The following ATRNL1 variants were observed in gnomAD, a reference collection of about 807,000 sequenced individuals.
The protein encoded by ATRNL1 is attractin like 1.
A neutral mutation model predicts 182.7 loss-of-function variants in ATRNL1; 95 were observed. The ratio of observed to expected loss-of-function variants is 0.52; its 90% CI spans 0.44 to 0.62. The LOEUF is 0.62. ATRNL1 is among the 20% of genes least tolerant of loss of function. ATRNL1 has a pLI of 0.00. For missense variants in ATRNL1, 1,471 were observed against 1,679.5 expected (o/e 0.88, Z 2.17); for synonymous variants, 576 against 568.3 (o/e 1.01, Z -0.19).
chr10:115,093,778 G>T lies in ATRNL1; in HGVS notation c.28G>T (p.Gly10Cys), dbSNP rs1489528782. Residue 10 changes from glycine to cysteine, a missense_variant, in exon 1 of 29, where the codon GGT becomes TGT. This residue lies in a region of ATRNL1 where 1,031 missense variants were observed against 1,156.0 expected (regional missense o/e 0.89). Transcript: ENST00000355044. The surrounding 1 kb of genome is among the most constrained non-coding windows in gnomAD (Gnocchi z 6.1). METGGRART[G>C]TPQPAAPGVW... The stretch of plus-strand genomic sequence containing the variant: ...GGAGACTGGGGGCCGGGCCCGCACT[G>T]GTACCCCGCAGCCAGCGGCCCCGGG... The T allele has an allele frequency of 6.7e-5, 96 of 1,424,418 alleles. No individual in the cohort carries two copies. Among genetic ancestry groups the T allele is most frequent in the Non-Finnish European group, 8.5e-5 (93 of 1,096,244 alleles). The allele number at this position is 1,424,418 out of a possible 1,614,324, so 88.2% of individuals were successfully genotyped here.
chr10:115,210,461 C>A (rs1369598612), intron 8 of ATRNL1, among the ~76,000 whole-genome samples: 2 of 151,788 alleles, frequency 1.3e-5, no homozygotes, highest in Admixed American at 6.6e-5. Flanking sequence ...TCTCATTGCC[C>A]CTTTAACCAC....
intron 28 of ATRNL1, among the ~76,000 whole-genome samples, chr10:115,916,056 T>G (rs1255568907): frequency 6.6e-6 from 1 of 152,240 alleles, no homozygotes; most frequent in East Asian, 1.9e-4. Context: ...CAAAGCATCA[T>G]TTAAAGTATA....
Position 115,534,658 on chromosome 10 carries a change from G to T in ATRNL1, c.3717-14800G>T, listed in dbSNP as rs978478066. On this transcript the variant is annotated intron_variant, in intron 25 of 28. Coordinates refer to ENST00000355044, the MANE Select transcript of ATRNL1 (RefSeq NM_207303.4). ...ATTTGATCCTGTCATTATGGTGTTA[G>T]CTGGTTATTTTGCTGGTTAGTTGAT... Among the ~76,000 whole-genome samples the T allele has an allele frequency of 6.6e-5, 10 of 152,124 alleles. No individual in the cohort carries two copies. The East Asian group carries it at 1.9e-3, about 29-fold the overall frequency.
chr10:115,262,483 A>C (rs1554909074), intron 10 of ATRNL1, among the ~76,000 whole-genome samples: 2 of 152,062 alleles, frequency 1.3e-5, no homozygotes, highest in African/African-American at 4.8e-5. Flanking sequence ...TTACTGGAAA[A>C]TTAGAGATTA....
intron 19 of ATRNL1, among the ~76,000 whole-genome samples, chr10:115,357,412 C>T (rs1351731532): frequency 1.3e-5 from 2 of 151,754 alleles, no homozygotes; most frequent in Admixed American, 6.6e-5. Flanking sequence ...TTGCATTGCT[C>T]AAATAGTGCA....
chr10:115,367,628 T>C (rs2134181165), intron 19 of ATRNL1, among the ~76,000 whole-genome samples: 1 of 150,294 alleles, frequency 6.7e-6, no homozygotes, highest in South Asian at 2.1e-4. Context: ...TTCTGTTCTG[T>C]TTTTTCCCCA....
At chr10:115,758,011 G>C (rs1273214979) in intron 27 of ATRNL1, among the ~76,000 whole-genome samples, 3 of 151,542 alleles carry the variant, frequency 2.0e-5, no homozygotes, top group Non-Finnish European at 4.4e-5. Context: ...AGCTCCATCA[G>C]GTCATTTATG....
In ATRNL1 at chr10:115,903,193, TG is replaced by T. The variant is rs1952405316; in HGVS notation, c.4019-41464del. 3.9e-5 allele frequency among the ~76,000 whole-genome samples: 6 copies of T among 152,342 alleles called. No individual in the cohort carries two copies. The South Asian group carries it at 1.2e-3, about 32-fold the overall frequency. On this transcript the variant is annotated intron_variant, in intron 28 of 28. Transcript: ENST00000355044. ...GTGACTAGCTCTCCATGCTGTATAT[TG>T]TTTTAAAATATTGATACATTCATTT... is the stretch of plus-strand genomic sequence containing the variant.
rs530226304 is a variant in ATRNL1, at chr10:115,905,564, A to G, written c.4019-39094A>G. On this transcript the variant is annotated intron_variant, in intron 28 of 28. Coordinates refer to ENST00000355044, the MANE Select transcript of ATRNL1 (RefSeq NM_207303.4). ...CTTCCAACAATTCCAGTCAGGCTAT[A>G]TCTGATGCCCAGAATCTATGACCTG... Among the ~76,000 whole-genome samples, 12 of 152,214 alleles carry G rather than the reference A, an allele frequency of 7.9e-5. No homozygotes were observed. The South Asian group carries it at 2.5e-3, about 32-fold the overall frequency.
At position 115,231,913 on chromosome 10, in the gene ATRNL1, G is replaced by T. The variant is rs184669722; in HGVS notation, c.1533-9658G>T. Among the ~76,000 whole-genome samples, 135 of 152,136 alleles carry T rather than the reference G, an allele frequency of 8.9e-4. 2 individuals are homozygous for T. Among genetic ancestry groups the T allele is most frequent in the Admixed American group, 8.9e-3 (135 of 15,254 alleles). On this transcript the variant is annotated intron_variant, in intron 9 of 28. Coordinates refer to ENST00000355044, the MANE Select transcript of ATRNL1 (RefSeq NM_207303.4). ...GAAGTATGAAATCATTTAGGAGGGA[G>T]GGAGAGTGAATGAGTTAGGGAAGTG...
chr10:115,501,030 G>A (rs1554979995), intron 24 of ATRNL1, among the ~76,000 whole-genome samples: 1 of 142,172 alleles, frequency 7.0e-6, no homozygotes, highest in Non-Finnish European at 1.5e-5. Context: ...CTGGATTCAA[G>A]CAATTCTCCT....
intron 27 of ATRNL1, 96 bp from the exon 28 acceptor site, chr10:115,847,781 A>T: frequency 1.4e-6 from 1 of 708,084 alleles, no homozygotes; most frequent in South Asian, 1.6e-5. Flanking sequence ...ACAACTAGGA[A>T]TGTACAGCAC....
At chr10:115,132,652 G>A (rs1554875540) in intron 5 of ATRNL1, among the ~76,000 whole-genome samples, 1 of 152,106 alleles carries the variant, frequency 6.6e-6, no homozygotes, top group Non-Finnish European at 1.5e-5. Context: ...ATCTCATTGT[G>A]GTTTTGATTT....
intron 19 of ATRNL1, among the ~76,000 whole-genome samples, chr10:115,377,666 C>CT (rs1857753291): frequency 6.6e-6 from 1 of 152,166 alleles, no homozygotes; most frequent in Non-Finnish European, 1.5e-5. Flanking sequence ...GCAAACACCT[C>CT]TTCCAGTCCT....
chr10:115,926,126 A>C (rs782337181), intron 28 of ATRNL1, among the ~76,000 whole-genome samples: 1 of 152,226 alleles, frequency 6.6e-6, no homozygotes, highest in Non-Finnish European at 1.5e-5. Context: ...GCACAACTAC[A>C]TGGAAACTAA....
chr10:115,223,656 TTATAATTGAAGCA>T (rs1345316512), intron 9 of ATRNL1, among the ~76,000 whole-genome samples: 1 of 151,746 alleles, frequency 6.6e-6, no homozygotes, highest in Non-Finnish European at 1.5e-5. Flanking sequence ...GCATAATACC[TTATAATTGAAGCA>T]TATACATGGT....
At chr10:115,273,811 A>G (rs960659484) in intron 13 of ATRNL1, among the ~76,000 whole-genome samples, 5 of 152,262 alleles carry the variant, frequency 3.3e-5, no homozygotes, top group East Asian at 1.9e-4. Flanking sequence ...GATCATGGGC[A>G]TTTGGGCCTC....
intron 8 of ATRNL1, among the ~76,000 whole-genome samples, chr10:115,189,932 T>C (rs1848104963): frequency 6.6e-6 from 1 of 152,032 alleles, no homozygotes; most frequent in Non-Finnish European, 1.5e-5. Context: ...TTTTTTATTT[T>C]TTACACCACA....
intron 26 of ATRNL1, among the ~76,000 whole-genome samples, chr10:115,559,954 A>G (rs547849621): frequency 3.3e-5 from 5 of 152,320 alleles, no homozygotes; most frequent in South Asian, 4.1e-4. Context: ...AGCTATCTCT[A>G]TTTGCAAATA....
Sources: allele counts gnomAD v4.1 joint callset (sites outside exome capture counted in the v4.1 genomes callset), GRCh38; gene constraint gnomAD v4.1.1; regional missense constraint gnomAD v4.1.1; non-coding constraint Gnocchi (gnomAD v3.1); transcripts MANE v1.5; gene names NCBI Gene and HGNC (gene_info 2026-07-23, HGNC 2026-07-21).